The following TRABD2B variants were observed in gnomAD, a reference collection of about 807,000 sequenced individuals.
TRABD2B encodes the protein metalloprotease TIKI2.
Under a neutral mutation model 40.1 loss-of-function variants are expected in TRABD2B, and 14 were observed. The ratio of observed to expected loss-of-function variants is 0.35; its 90% CI spans 0.23 to 0.55. TRABD2B has a LOEUF of 0.55. Ranked by LOEUF, TRABD2B falls within the 20% of genes least tolerant of loss-of-function variation. The pLI is 0.90. For synonymous variants in TRABD2B, 263 were observed against 277.0 expected (o/e 0.95, Z 0.50); for missense variants, 541 against 648.6 (o/e 0.83, Z 1.80).
intron 2 of TRABD2B, among the ~76,000 whole-genome samples, chr1:47,820,815 CACA>C (rs1645098379): frequency 1.3e-5 from 2 of 151,702 alleles, no homozygotes; most frequent in South Asian, 4.2e-4. Flanking sequence ...CACACACACA[CACA>C]CACAAAATCT....
At chr1:47,985,871 C>G (rs1645912034) in intron 2 of TRABD2B, among the ~76,000 whole-genome samples, 1 of 152,032 alleles carries the variant, frequency 6.6e-6, no homozygotes, top group African/African-American at 2.4e-5. Context: ...GGGGCCTTTA[C>G]CAATTCAAAG....
intron 2 of TRABD2B, among the ~76,000 whole-genome samples, chr1:47,850,458 G>A (rs752124429): frequency 6.6e-6 from 1 of 152,208 alleles, no homozygotes; most frequent in East Asian, 1.9e-4. Context: ...AAGAGCAGGG[G>A]TCTAAGAATC....
intron 2 of TRABD2B, among the ~76,000 whole-genome samples, chr1:47,823,662 G>A (rs1362625583): frequency 6.6e-6 from 1 of 152,180 alleles, no homozygotes; most frequent in Admixed American, 6.5e-5. Flanking sequence ...AGAATGGGGT[G>A]GTGAGAGAGA....
At chr1:47,801,811 G>GAGA (rs377599282) in intron 2 of TRABD2B, among the ~76,000 whole-genome samples, 192 bp from the exon 3 acceptor site, 269 of 152,296 alleles carry the variant, frequency 1.8e-3, no homozygotes, top group African/African-American at 6.1e-3. Context: ...AGCACGTTCA[G>GAGA]CCTGCTCTCA....
intron 4 of TRABD2B, among the ~76,000 whole-genome samples, chr1:47,786,720 T>C (rs930858316): frequency 1.1e-4 from 17 of 152,158 alleles, no homozygotes; most frequent in Non-Finnish European, 2.4e-4. Context: ...GTTTTGTTTT[T>C]TTTTAGAGAT....
chr1:47,960,646 A>C (rs1645498958), intron 2 of TRABD2B, among the ~76,000 whole-genome samples: 1 of 152,186 alleles, frequency 6.6e-6, no homozygotes, highest in Admixed American at 6.6e-5. Flanking sequence ...TAGGAATCCA[A>C]CTTAAAAGGG....
At chr1:47,984,327 T>C (rs1474509102) in intron 2 of TRABD2B, among the ~76,000 whole-genome samples, 3 of 152,134 alleles carry the variant, frequency 2.0e-5, no homozygotes, top group Non-Finnish European at 2.9e-5. Context: ...GGCGAGGACA[T>C]ACACACTGCG....
rs78300625 is a variant in TRABD2B, at chr1:47,762,852, C to T, written c.*3050G>A. 0.033 allele frequency: 5,002 copies of T among 152,214 alleles called. 121 individuals are homozygous for T. Among genetic ancestry groups the T allele is most frequent in the Non-Finnish European group, 0.046 (3,138 of 68,010 alleles). The allele number at this position is 152,214 out of a possible 1,614,324, so 9.4% of individuals were successfully genotyped here. ...TGGGGACATGGCCATTCCAACATGC[C>T]CCAGAGAGCCCTTCATCACACAGTC... On this transcript the variant is annotated 3_prime_UTR_variant, in exon 7 of 7. Transcript: ENST00000606738.
At chr1:47,988,671 G>A (rs1013477215) in intron 2 of TRABD2B, among the ~76,000 whole-genome samples, 1 of 152,160 alleles carries the variant, frequency 6.6e-6, no homozygotes, top group Admixed American at 6.5e-5. Flanking sequence ...GATAACTCAG[G>A]CTCAAAATTT....
intron 2 of TRABD2B, among the ~76,000 whole-genome samples, chr1:47,978,020 T>C (rs1488488821): frequency 1.3e-5 from 2 of 152,014 alleles, no homozygotes; most frequent in Non-Finnish European, 2.9e-5. Context: ...ATGTTCCCAT[T>C]CACAAAATTC....
intron 2 of TRABD2B, among the ~76,000 whole-genome samples, chr1:47,969,283 T>G (rs1220433739): frequency 6.6e-6 from 1 of 152,222 alleles, no homozygotes; most frequent in African/African-American, 2.4e-5. Context: ...TGGGTATGTC[T>G]GCTTATAGGC....
At chr1:47,869,768 C>T (rs895259427) in intron 2 of TRABD2B, among the ~76,000 whole-genome samples, 10 of 152,232 alleles carry the variant, frequency 6.6e-5, no homozygotes, top group Middle Eastern at 6.3e-3. Flanking sequence ...ATCAGAAACA[C>T]ATGGCACATT....
chr1:47,854,540 C>A (rs949948956), intron 2 of TRABD2B, among the ~76,000 whole-genome samples: 9 of 152,004 alleles, frequency 5.9e-5, no homozygotes, highest in Admixed American at 5.2e-4. Context: ...AAGTCATAGT[C>A]CTCTGTGATT....
At chr1:47,940,310 G>C (rs1356346039) in intron 2 of TRABD2B, among the ~76,000 whole-genome samples, 7 of 152,228 alleles carry the variant, frequency 4.6e-5, no homozygotes, top group African/African-American at 7.2e-5. Context: ...TTCACAGGTA[G>C]CTGAGTAGTT....
chr1:47,829,149 G>T (rs1645216356), intron 2 of TRABD2B, among the ~76,000 whole-genome samples: 2 of 152,162 alleles, frequency 1.3e-5, no homozygotes. Flanking sequence ...ATCAGTATGG[G>T]TCTGGTCTTG....
At chr1:47,774,613 G>A (rs1328771534) in intron 6 of TRABD2B, among the ~76,000 whole-genome samples, 1 of 152,156 alleles carries the variant, frequency 6.6e-6, no homozygotes, top group Non-Finnish European at 1.5e-5. Context: ...GCATTAGGAT[G>A]ATTTCTCCTA....
At chr1:47,921,906 T>C (rs912115710) in intron 2 of TRABD2B, among the ~76,000 whole-genome samples, 9 of 152,212 alleles carry the variant, frequency 5.9e-5, no homozygotes, top group South Asian at 2.1e-4. Context: ...CTAGAGTCTA[T>C]ACAAGCTCAC....
rs764824880 is a variant in TRABD2B, at chr1:47,766,017, T to G, written c.1439A>C (p.Gln480Pro). 13 of 696,600 alleles carry G rather than the reference T, an allele frequency of 1.9e-5. No individual in the cohort carries two copies. The South Asian group carries it at 2.0e-4, about 11-fold the overall frequency. The allele number at this position is 696,600 out of a possible 1,614,324, so 43.2% of individuals were successfully genotyped here. A position where few individuals can be genotyped will look rare whatever the true frequency, so the allele number is the denominator to read the frequency against. The change falls in exon 7 of 7, where the codon CAA becomes CCA. Residue 480 changes from glutamine (Q) to proline (P), a missense_variant. Coordinates refer to ENST00000606738, the MANE Select transcript of TRABD2B (RefSeq NM_001194986.2). Reference protein sequence around the residue: ...KPPFQLSDQLQQQDPPGPASS... With the variant: ...KPPFQLSDQLPQQDPPGPASS... The stretch of plus-strand genomic sequence containing the variant: ...GGCGGGCCCTGGCGGGTCCTGCTGT[T>G]GTAGCTGGTCTGAAAGCTGGAAGGG...
At position 47,943,840 on chromosome 1, in the gene TRABD2B, T is replaced by C. The variant is rs929159414; in HGVS notation, c.666+50194A>G. 4.6e-5 allele frequency among the ~76,000 whole-genome samples: 7 copies of C among 151,864 alleles called. No individual in the cohort carries two copies. The East Asian group carries it at 1.2e-3, about 25-fold the overall frequency. On this transcript the variant is annotated intron_variant, in intron 2 of 6. Transcript: ENST00000606738. ...GAAACATCAGCTGCAATTTATGAGA[T>C]ATGCCTTCAAATAGAATTTACTGGA...
Sources: allele counts gnomAD v4.1 joint callset (sites outside exome capture counted in the v4.1 genomes callset), GRCh38; gene constraint gnomAD v4.1.1; transcripts MANE v1.5; gene names NCBI Gene and HGNC (gene_info 2026-07-23, HGNC 2026-07-21).